Variants in SPATA16 observed in about 807,000 individuals in gnomAD.
SPATA16 encodes the protein spermatogenesis-associated protein 16.
SPATA16 carries 36 observed loss-of-function variants against 63.3 expected under a neutral mutation model. The observed-to-expected ratio is 0.57, with a 90% confidence interval of 0.44 to 0.75. SPATA16 has a LOEUF of 0.75. Ranked by LOEUF, SPATA16 falls within the 30% of genes least tolerant of loss-of-function variation. SPATA16 has a pLI of 0.00. For synonymous variants in SPATA16, 203 were observed against 216.7 expected (o/e 0.94, Z 0.56); for missense variants, 646 against 679.3 (o/e 0.95, Z 0.54).
intron 6 of SPATA16, among the ~76,000 whole-genome samples, chr3:172,956,148 A>T (rs1733588077): frequency 6.6e-6 from 1 of 152,144 alleles, no homozygotes; most frequent in African/African-American, 2.4e-5. Context: ...AGAACAAGTG[A>T]TTTCCAAAGA....
intron 7 of SPATA16, 26 bp from the exon 8 acceptor site, chr3:172,924,343 A>G (rs1344485490): frequency 1.4e-5 from 22 of 1,555,636 alleles, no homozygotes; most frequent in Non-Finnish European, 1.9e-5. Flanking sequence ...ATAAACTTTT[A>G]TACTATTTTC....
At position 173,003,140 on chromosome 3, in the gene SPATA16, T is replaced by C. The variant is rs369242940; in HGVS notation, c.848+16346A>G. Among the ~76,000 whole-genome samples, 22 of 152,174 alleles carry C rather than the reference T, an allele frequency of 1.4e-4. 4 individuals carry two copies. Among genetic ancestry groups the C allele is most frequent in the South Asian group, 6.2e-4 (3 of 4,814 alleles). ...CAGAAGAAATTACCTACAACACATA[T>C]TACCAAAAATTATTAGAACTGAGAA... On this transcript the variant is annotated intron_variant, in intron 4 of 10. Coordinates refer to ENST00000351008, the MANE Select transcript of SPATA16 (RefSeq NM_031955.6).
intron 2 of SPATA16, among the ~76,000 whole-genome samples, chr3:173,078,103 A>G (rs543860091): frequency 1.1e-4 from 16 of 152,302 alleles, no homozygotes; most frequent in Non-Finnish European, 2.2e-4. Context: ...TTGTATTACA[A>G]TAGGAGATAG....
chr3:172,906,081 G>A (rs924276110), intron 10 of SPATA16, among the ~76,000 whole-genome samples: 1 of 152,198 alleles, frequency 6.6e-6, no homozygotes, highest in African/African-American at 2.4e-5. Context: ...CAGACAGAGT[G>A]TTGCTTAGCT....
At chr3:173,049,326 G>A (rs1391250051) in intron 2 of SPATA16, among the ~76,000 whole-genome samples, 1 of 152,118 alleles carries the variant, frequency 6.6e-6, no homozygotes, top group Non-Finnish European at 1.5e-5. Context: ...GTGAGTGACT[G>A]TAATATAAAA....
At chr3:172,917,134 G>A (rs1643674368) in intron 8 of SPATA16, among the ~76,000 whole-genome samples, 1 of 152,134 alleles carries the variant, frequency 6.6e-6, no homozygotes, top group African/African-American at 2.4e-5. Context: ...CAACTCCCAT[G>A]GCATTTTGGG....
At chr3:173,122,888 AC>A (rs1252365344) in intron 1 of SPATA16, among the ~76,000 whole-genome samples, 2 of 152,140 alleles carry the variant, frequency 1.3e-5, no homozygotes, top group Non-Finnish European at 2.9e-5. Context: ...AACATAAGAG[AC>A]CCTCAATGTA....
At chr3:173,056,532 G>A (rs145519527) in intron 2 of SPATA16, among the ~76,000 whole-genome samples, 1,555 of 151,798 alleles carry the variant, frequency 0.01, 28 homozygotes, top group African/African-American at 0.036. Flanking sequence ...GTAAAACCCC[G>A]TCTCTACTAA....
At chr3:172,922,698 A>C (rs563303927) in intron 8 of SPATA16, among the ~76,000 whole-genome samples, 1 of 152,338 alleles carries the variant, frequency 6.6e-6, no homozygotes, top group South Asian at 2.1e-4. Flanking sequence ...AGGCAGGTGG[A>C]TCACTTGAGG....
At chr3:173,075,803 T>C (rs1736787704) in intron 2 of SPATA16, among the ~76,000 whole-genome samples, 1 of 152,030 alleles carries the variant, frequency 6.6e-6, no homozygotes. Flanking sequence ...TAAAGAGGGA[T>C]GGTTAGTGCA....
At chr3:172,942,624 T>C (rs1733182900) in intron 6 of SPATA16, among the ~76,000 whole-genome samples, 1 of 152,132 alleles carries the variant, frequency 6.6e-6, no homozygotes, top group Non-Finnish European at 1.5e-5. Context: ...TCCTATTTAC[T>C]GATGTCGAGT....
rs577215487 is a variant in SPATA16 at position 172,898,914 on chromosome 3, T to TA, written c.1588-9223_1588-9222insT. Among the ~76,000 whole-genome samples the TA allele has an allele frequency of 3.3e-3, 497 of 152,062 alleles. 4 individuals carry two copies. The highest frequency in any genetic ancestry group is 0.011 in the African/African-American group (463 of 41,568). Reference sequence around the variant, plus strand: ...ACAAATTTTGATATATTTTCATTTTTTTTAGTTCAATATATTCTTACATTT... The same window carrying TA: ...ACAAATTTTGATATATTTTCATTTTTATTTAGTTCAATATATTCTTACATTT... On this transcript the variant is annotated intron_variant, in intron 10 of 10. Coordinates refer to ENST00000351008, the MANE Select transcript of SPATA16 (RefSeq NM_031955.6).
chr3:173,074,672 C>T (rs746461440), intron 2 of SPATA16, among the ~76,000 whole-genome samples: 26 of 151,712 alleles, frequency 1.7e-4, no homozygotes, highest in Non-Finnish European at 2.6e-4. Context: ...AGTGTGAAAA[C>T]GGACTAATAC....
intron 6 of SPATA16, among the ~76,000 whole-genome samples, chr3:172,946,146 C>T (rs1285424248): frequency 6.6e-6 from 1 of 152,312 alleles, no homozygotes; most frequent in Admixed American, 6.5e-5. Flanking sequence ...GAGCCCAGTC[C>T]TAGCAGGGTT....
intron 8 of SPATA16, among the ~76,000 whole-genome samples, chr3:172,923,766 A>G (rs1040230501): frequency 2.0e-5 from 3 of 152,202 alleles, no homozygotes; most frequent in African/African-American, 7.2e-5. Flanking sequence ...ATGTTTAGAG[A>G]AGCATCCAAT....
chr3:173,035,001 TG>T (rs1459471275), intron 3 of SPATA16, among the ~76,000 whole-genome samples: 1 of 152,182 alleles, frequency 6.6e-6, no homozygotes, highest in Non-Finnish European at 1.5e-5. Context: ...TGTTGTGACT[TG>T]CACCAAATAG....
intron 8 of SPATA16, among the ~76,000 whole-genome samples, chr3:172,921,758 A>C (rs764547965): frequency 4.5e-4 from 69 of 152,210 alleles, no homozygotes; most frequent in Admixed American, 2.4e-3. Context: ...AAGAACATGG[A>C]TTATGTATTT....
rs375231722 is a variant in SPATA16 at position 173,019,550 on chromosome 3, A to G, written c.784T>C (p.Phe262Leu). The G allele has an allele frequency of 6.2e-7, 1 of 1,614,078 alleles. No homozygotes were observed. Among genetic ancestry groups the G allele is most frequent in the African/African-American group, 1.3e-5 (1 of 75,052 alleles). ...GTTGCTTGACGAAGATGATTCCGGA[A>G]ATAGGCTGGGTTTAAAACAATGCTC... Reference protein sequence around the residue: ...HRSIVLNPAYFRNHLRQATVF... With the variant: ...HRSIVLNPAYLRNHLRQATVF... The change falls in exon 4 of 11, where the codon TTC becomes CTC. Residue 262 changes from phenylalanine (F) to leucine (L), a missense_variant. Coordinates refer to ENST00000351008, the MANE Select transcript of SPATA16 (RefSeq NM_031955.6).
At position 173,138,924 on chromosome 3, in the gene SPATA16, C is replaced by G. The variant is rs548361527; in HGVS notation, c.-19+2179G>C. ...AATGTATATCACATCATATAGTATG[C>G]AAATACATTTACTCCTGGAGGCTTT... On this transcript the variant is annotated intron_variant, in intron 1 of 10. Coordinates refer to ENST00000351008, the MANE Select transcript of SPATA16 (RefSeq NM_031955.6). Among the ~76,000 whole-genome samples, 3 of 152,272 alleles carry G rather than the reference C, an allele frequency of 2.0e-5. No homozygotes were observed. The East Asian group carries it at 5.8e-4, about 29-fold the overall frequency.
Sources: gnomAD v4.1 joint callset for allele counts (sites outside exome capture counted in the v4.1 genomes callset) on GRCh38, gnomAD v4.1.1 for gene constraint, MANE v1.5 for transcripts, NCBI Gene and HGNC (gene_info 2026-07-23, HGNC 2026-07-21) for gene names.